Variants in ASAH1 observed in about 807,000 individuals in gnomAD.
ASAH1 encodes the protein acid ceramidase.
ASAH1 carries 70 observed loss-of-function variants against 59.5 expected under a neutral mutation model. The observed-to-expected ratio is 1.18, with a 90% CI of 0.97 to 1.43. The LOEUF (loss-of-function observed/expected upper bound fraction) is 1.43, where lower values mean the gene tolerates loss of function less well. ASAH1 is among the 40% of genes most tolerant of loss of function. The pLI is 0.00. For missense variants in ASAH1, 660 were observed against 482.5 expected, an observed-to-expected ratio of 1.37 and a Z score of -3.45; for synonymous variants, 213 against 166.5, an observed-to-expected ratio of 1.28 and a Z score of -2.15.
intron 1 of ASAH1, 128 bp from the exon 2 acceptor site, chr8:18,075,715 C>A (rs1800377169): frequency 1.2e-6 from 1 of 800,368 alleles, no homozygotes; most frequent in Non-Finnish European, 2.1e-6. Context: ...CGTTTCAATG[C>A]CTCTTAAAAT....
intron 1 of ASAH1, among the ~76,000 whole-genome samples, chr8:18,077,785 T>C (rs1800473219): frequency 6.6e-6 from 1 of 152,150 alleles, no homozygotes; most frequent in Non-Finnish European, 1.5e-5. Context: ...CTTAGAGACT[T>C]ATAGGGGTTG....
At chr8:18,070,797 T>G (rs1800138384) in intron 3 of ASAH1, among the ~76,000 whole-genome samples, 1 of 152,210 alleles carries the variant, frequency 6.6e-6, no homozygotes, top group Non-Finnish European at 1.5e-5. Flanking sequence ...TTTTAAACTA[T>G]TCTGTGGGTA....
At chr8:18,072,290 T>A (rs1291592692) in intron 2 of ASAH1, among the ~76,000 whole-genome samples, 1 of 152,218 alleles carries the variant, frequency 6.6e-6, no homozygotes, top group Non-Finnish European at 1.5e-5. Context: ...TGTGCCACAA[T>A]GATACCAGTC....
rs1212073994 is a variant in ASAH1 at position 18,061,446 on chromosome 8, C to T, written c.716G>A (p.Trp239Ter). 1 of 1,612,274 alleles carries T rather than the reference C, an allele frequency of 6.2e-7. No homozygotes were observed. The change falls in exon 10 of 14, where the codon TGG (tryptophan) becomes TAG (stop). Residue 239 changes from tryptophan to a stop codon, truncating the protein, a stop_gained. Transcript: ENST00000637790. LOFTEE classifies it high-confidence loss of function. ...CATGACATCTTTCTTTCCCAGAATC[C>T]ATTCTAGAATACCTGGAAGAGATGA... The part of the protein sequence containing the change: ...INGGYLGILE[W>*]ILGKKDVMWI...
At chr8:18,071,820 T>C (rs1800189793) in intron 2 of ASAH1, among the ~76,000 whole-genome samples, 1 of 152,194 alleles carries the variant, frequency 6.6e-6, no homozygotes, top group Non-Finnish European at 1.5e-5. Flanking sequence ...GCCAAACCAA[T>C]GTCTCCAGTG....
Position 18,057,242 on chromosome 8 carries a change from G to C in ASAH1, c.*292C>G, listed in dbSNP as rs542558169. 3.6e-4 allele frequency: 120 copies of C among 336,928 alleles called. 1 individual carries two copies. The highest frequency in any genetic ancestry group is 2.1e-3 in the Middle Eastern group (2 of 934). 20.9% of individuals were successfully genotyped at this position (336,928 alleles called of 1,614,324 possible). On this transcript the variant is annotated 3_prime_UTR_variant, in exon 14 of 14. Coordinates refer to ENST00000637790, the MANE Select transcript of ASAH1 (RefSeq NM_177924.5). ...TTCCACGGAGGTGGAGTTCACCATG[G>C]TTCGACTGCCCACCAGATCCCCAAA...
intron 1 of ASAH1, 46 bp downstream of exon 1, chr8:18,083,935 C>T (rs2117107096): frequency 1.3e-6 from 2 of 1,576,638 alleles, no homozygotes; most frequent in East Asian, 4.6e-5. Flanking sequence ...CCATCCGCGC[C>T]CGCACCTGCA....
intron 3 of ASAH1, among the ~76,000 whole-genome samples, chr8:18,071,018 G>C (rs557412410): frequency 6.3e-4 from 96 of 152,132 alleles, no homozygotes; most frequent in African/African-American, 2.0e-3. Context: ...GATCAGCTTG[G>C]ACAACATGGC....
At chr8:18,070,948 C>T (rs985298732) in intron 3 of ASAH1, among the ~76,000 whole-genome samples, 1 of 152,048 alleles carries the variant, frequency 6.6e-6, no homozygotes, top group Non-Finnish European at 1.5e-5. Flanking sequence ...CGGCTCATGC[C>T]TATAATCCCA....
chr8:18,067,040 T>C (rs1331573765), intron 5 of ASAH1, 180 bp downstream of exon 5: 3 of 410,716 alleles, frequency 7.3e-6, no homozygotes, highest in East Asian at 3.5e-5. Flanking sequence ...TTGATCTGAG[T>C]CATGGCTACA....
At chr8:18,075,685 T>C in intron 1 of ASAH1, 98 bp from the exon 2 acceptor site, 6 of 1,091,442 alleles carry the variant, frequency 5.5e-6, no homozygotes, top group East Asian at 2.4e-5. Flanking sequence ...CAACATCAAG[T>C]CTGATATTGC....
Position 18,062,436 on chromosome 8 carries a change from T to C in ASAH1, c.504-13A>G, listed in dbSNP as rs1409644333. 1 of 1,613,880 alleles carries C rather than the reference T, an allele frequency of 6.2e-7. No homozygotes were observed. The highest frequency in any genetic ancestry group is 1.1e-5 in the South Asian group (1 of 91,068). ...ATTTATGTTCCACCTATAAAAGACA[T>C]GTTTCAGTGACATTTCAGAAACACA... On this transcript the variant is annotated splice_polypyrimidine_tract_variant and intron_variant, in intron 7 of 13. Transcript: ENST00000637790.
chr8:18,079,373 AG>A (rs1409735724), intron 1 of ASAH1, among the ~76,000 whole-genome samples: 2 of 152,062 alleles, frequency 1.3e-5, no homozygotes, highest in Admixed American at 6.5e-5. Context: ...TAGAAACTTA[AG>A]CCTCTTTGAA....
At chr8:18,065,882 T>TTTTG (rs148853633) in intron 5 of ASAH1, 1 of 143,542 alleles carries the variant, frequency 7.0e-6, no homozygotes, top group African/African-American at 2.6e-5. Flanking sequence ...CAGATACACA[T>TTTTG]TGTGTGTGTG....
chr8:18,069,178 T>C (rs1800055755), intron 4 of ASAH1, among the ~76,000 whole-genome samples: 1 of 146,768 alleles, frequency 6.8e-6, no homozygotes, highest in Non-Finnish European at 1.5e-5. Flanking sequence ...CAACCCCAAA[T>C]GTCATTAATG....
intron 13 of ASAH1, 127 bp downstream of exon 13, chr8:18,058,708 A>T: frequency 1.2e-6 from 1 of 836,292 alleles, no homozygotes; most frequent in Non-Finnish European, 1.9e-6. Flanking sequence ...ACATTTTTTA[A>T]TAAAAAATCA....
chr8:18,068,714 C>T (rs1277686269), intron 4 of ASAH1: 1 of 152,128 alleles, frequency 6.6e-6, no homozygotes, highest in Non-Finnish European at 1.5e-5. Flanking sequence ...AGACACCCAC[C>T]CCAGGCCGGG....
chr8:18,057,365 A>G lies in ASAH1; in HGVS notation c.*169T>C, dbSNP rs1287552436. The G allele has an allele frequency of 6.5e-6, 3 of 460,474 alleles. No individual in the cohort carries two copies. The highest frequency in any genetic ancestry group is 6.3e-5 in the Admixed American group (2 of 31,840). The allele number at this position is 460,474 out of a possible 1,614,324, so 28.5% of individuals were successfully genotyped here. A position where few individuals can be genotyped will look rare whatever the true frequency, so the allele number is the denominator to read the frequency against. On this transcript the variant is annotated 3_prime_UTR_variant, in exon 14 of 14. Transcript: ENST00000637790. ...AAGAAAAATCAACTGATAGGGGGAA[A>G]AAAAAAAGATCTGTCATTTGTCAAC...
chr8:18,061,586 G>A (rs1799702316), intron 9 of ASAH1, 100 bp downstream of exon 9: 9 of 1,462,024 alleles, frequency 6.2e-6, no homozygotes, highest in Non-Finnish European at 8.6e-6. Flanking sequence ...AACCAGTCGG[G>A]AACCGGAAGA....
Sources: gnomAD v4.1 joint callset for allele counts (sites outside exome capture counted in the v4.1 genomes callset) on GRCh38, gnomAD v4.1.1 for gene constraint, MANE v1.5 for transcripts, NCBI Gene and HGNC (gene_info 2026-07-23, HGNC 2026-07-21) for gene names.